ZYG11B: variants seen among roughly 807,000 people sequenced by gnomAD.
ZYG11B encodes zyg-11 family member B, cell cycle regulator.
Under a neutral mutation model 82.4 loss-of-function variants are expected in ZYG11B, and 36 were observed. That is an observed-to-expected ratio of 0.44 (90% CI 0.33 to 0.58). The LOEUF (loss-of-function observed/expected upper bound fraction) is 0.58. Ranked by LOEUF, ZYG11B falls within the 20% of genes least tolerant of loss-of-function variation. The pLI is 0.02. For synonymous variants in ZYG11B, 303 were observed against 312.8 expected (o/e 0.97, Z 0.33); for missense variants, 552 against 895.6 (o/e 0.62, Z 4.90).
At chr1:52,743,624 A>G (rs1490163487) in intron 1 of ZYG11B, among the ~76,000 whole-genome samples, 1 of 152,044 alleles carries the variant, frequency 6.6e-6, no homozygotes, top group Non-Finnish European at 1.5e-5. Flanking sequence ...GGCTAAGGTG[A>G]GAGGATCGCT....
chr1:52,801,724 T>G, intron 8 of ZYG11B, 95 bp from the exon 9 acceptor site: 2 of 1,033,956 alleles, frequency 1.9e-6, no homozygotes, highest in Non-Finnish European at 2.8e-6. Context: ...CTTTAAGCCA[T>G]GAGACTAATC....
intron 13 of ZYG11B, among the ~76,000 whole-genome samples, chr1:52,817,799 A>T (rs867772702): frequency 2.1e-5 from 1 of 47,666 alleles, no homozygotes; most frequent in Non-Finnish European, 4.6e-5. Context: ...ATATATATAT[A>T]TATATATATA....
At chr1:52,753,270 CTG>C (rs1644541454) in intron 1 of ZYG11B, among the ~76,000 whole-genome samples, 2 of 152,152 alleles carry the variant, frequency 1.3e-5, no homozygotes, top group Admixed American at 6.6e-5. Flanking sequence ...GTATTGGTAA[CTG>C]TTTAATTTTG....
intron 4 of ZYG11B, 149 bp downstream of exon 4, chr1:52,780,142 A>G (rs1285731777): frequency 1.3e-6 from 1 of 766,224 alleles, no homozygotes; most frequent in Admixed American, 3.0e-5. Context: ...TTAGCTATAA[A>G]CGAGAGAGAA....
At chr1:52,792,706 GA>G (rs1388943661) in intron 6 of ZYG11B, among the ~76,000 whole-genome samples, 1 of 152,174 alleles carries the variant, frequency 6.6e-6, no homozygotes, top group Non-Finnish European at 1.5e-5. Flanking sequence ...AAGGCACAGA[GA>G]AAGTCAATTA....
chr1:52,804,591 C>A (rs188532605), intron 10 of ZYG11B, among the ~76,000 whole-genome samples: 1 of 150,952 alleles, frequency 6.6e-6, no homozygotes, highest in Non-Finnish European at 1.5e-5. Flanking sequence ...CTAGCCTGGG[C>A]AACAGGGTGA....
chr1:52,771,005 C>A lies in ZYG11B; in HGVS notation c.197-15C>A. 6.3e-7 allele frequency: 1 copy of A among 1,582,056 alleles called. No individual in the cohort carries two copies. The highest frequency in any genetic ancestry group is 1.4e-5 in the African/African-American group (1 of 73,706). On this transcript the variant is annotated splice_polypyrimidine_tract_variant and intron_variant, in intron 2 of 13. Coordinates refer to ENST00000294353, the MANE Select transcript of ZYG11B (RefSeq NM_024646.3). This position sits in a 1 kb window ranked among gnomAD's most constrained non-coding sequence, Gnocchi z 5.4. ...ACTGTTTTTTGAATTTAAAACGCTG[C>A]TTGTTTTTCCACAGGTCTATTGAAT...
chr1:52,772,124 G>GT (rs545247382), intron 3 of ZYG11B: 20 of 1,022,968 alleles, frequency 2.0e-5, no homozygotes, highest in African/African-American at 6.4e-5. Context: ...TACATATATG[G>GT]TTTTTTTGTT....
chr1:52,752,546 C>G (rs184531572), intron 1 of ZYG11B, among the ~76,000 whole-genome samples: 1 of 152,302 alleles, frequency 6.6e-6, no homozygotes, highest in Non-Finnish European at 1.5e-5. Flanking sequence ...GAAGTGCCTT[C>G]CTGAATTCTG....
intron 1 of ZYG11B, among the ~76,000 whole-genome samples, chr1:52,755,538 G>A (rs935564794): frequency 6.6e-6 from 1 of 152,042 alleles, no homozygotes; most frequent in African/African-American, 2.4e-5. Flanking sequence ...TTTCGCTCTT[G>A]TTGCCCAGGC....
At chr1:52,779,770 G>C in intron 3 of ZYG11B, 83 bp from the exon 4 acceptor site, 1 of 1,555,984 alleles carries the variant, frequency 6.4e-7, no homozygotes, top group Non-Finnish European at 8.7e-7. Flanking sequence ...GATTACAGGC[G>C]TGAGCCACCG....
intron 3 of ZYG11B, among the ~76,000 whole-genome samples, chr1:52,774,520 C>G (rs1456416359): frequency 6.7e-6 from 1 of 149,864 alleles, no homozygotes; most frequent in Non-Finnish European, 1.5e-5. Flanking sequence ...GTTAGCCAGG[C>G]TAGTCTTGAA....
At chr1:52,746,756 T>A (rs2149924547) in intron 1 of ZYG11B, among the ~76,000 whole-genome samples, 2 of 143,730 alleles carry the variant, frequency 1.4e-5, no homozygotes, top group Admixed American at 1.5e-4. Flanking sequence ...GAATATATTT[T>A]CAGCCATTGC....
intron 1 of ZYG11B, chr1:52,754,266 C>T (rs1344458271): frequency 6.6e-6 from 1 of 152,292 alleles, no homozygotes; most frequent in Non-Finnish European, 1.5e-5. Context: ...CTCAGGTGAT[C>T]CGCCCACCTT....
chr1:52,726,490 C>A lies in ZYG11B; in HGVS notation c.-164C>A, dbSNP rs1644284378. 1 of 595,838 alleles carries A rather than the reference C, an allele frequency of 1.7e-6. No individual in the cohort carries two copies. The highest frequency in any genetic ancestry group is 2.5e-6 in the Non-Finnish European group (1 of 405,500). The allele number at this position is 595,838 out of a possible 1,614,324, so 36.9% of individuals were successfully genotyped here. A position where few individuals can be genotyped will look rare whatever the true frequency, so the allele number is the denominator to read the frequency against. On this transcript the variant is annotated 5_prime_UTR_variant, in exon 1 of 14. Transcript: ENST00000294353. ...CTGGTTCGGGCTGCGGCTGCGGCTG[C>A]GGCTGCGGCTGCTACTGCTACGCTC... is the stretch of plus-strand genomic sequence containing the variant.
intron 10 of ZYG11B, among the ~76,000 whole-genome samples, chr1:52,804,440 C>T (rs192406025): frequency 6.6e-6 from 1 of 151,532 alleles, no homozygotes; most frequent in East Asian, 2.0e-4. Flanking sequence ...TAGTGAAACC[C>T]CATGTCTATT....
chr1:52,818,628 G>A (rs1262194623), intron 13 of ZYG11B, among the ~76,000 whole-genome samples: 3 of 152,092 alleles, frequency 2.0e-5, no homozygotes, highest in African/African-American at 7.2e-5. Flanking sequence ...AGGGGAGATG[G>A]GGAGGGGAGA....
chr1:52,797,466 T>TA (rs1488922226), intron 8 of ZYG11B, among the ~76,000 whole-genome samples: 29 of 113,578 alleles, frequency 2.6e-4, no homozygotes, highest in South Asian at 5.4e-4. Flanking sequence ...ATATGATATA[T>TA]ATATTATATA....
chr1:52,763,308 G>T (rs773895648), intron 2 of ZYG11B, among the ~76,000 whole-genome samples: 2 of 152,042 alleles, frequency 1.3e-5, no homozygotes, highest in Non-Finnish European at 2.9e-5. Flanking sequence ...CAAATTTTAA[G>T]ATATTTTTTC....
Sources: allele counts gnomAD v4.1 joint callset (sites outside exome capture counted in the v4.1 genomes callset), GRCh38; gene constraint gnomAD v4.1.1; non-coding constraint Gnocchi (gnomAD v3.1); transcripts MANE v1.5; gene names NCBI Gene and HGNC (gene_info 2026-07-23, HGNC 2026-07-21).